Variants in GRAMD2B observed in about 807,000 individuals in gnomAD.
The protein encoded by GRAMD2B is GRAM domain-containing protein 2B.
GRAMD2B carries 41 observed loss-of-function variants against 59.2 expected under a neutral mutation model. That is an observed-to-expected ratio of 0.69 (90% CI 0.54 to 0.90). The LOEUF is 0.90. Among genes scored for constraint, GRAMD2B ranks in the 40% least tolerant of loss-of-function variants. The pLI, the probability that GRAMD2B is intolerant of heterozygous loss-of-function variation, is 0.00. For missense variants in GRAMD2B, 424 were observed against 500.5 expected (o/e 0.85, Z 1.46); for synonymous variants, 161 against 182.7 (o/e 0.88, Z 0.96).
At chr5:126,423,372 T>C (rs1644193136), upstream of GRAMD2B, 2 of 1,335,182 alleles carry the variant, frequency 1.5e-6, no homozygotes, top group Non-Finnish European at 1.9e-6. Flanking sequence ...GACCCTCCCC[T>C]TCCCTCCCTC....
At chr5:126,373,995 G>A (rs762704203) in intron 1 of GRAMD2B, among the ~76,000 whole-genome samples, 1 of 152,306 alleles carries the variant, frequency 6.6e-6, no homozygotes, top group East Asian at 1.9e-4. Context: ...CTTTAAAAGA[G>A]CACTCTGGCC....
chr5:126,420,054 C>CAAAAAAAAAAAAAAAA (rs386404926), upstream of GRAMD2B, among the ~76,000 whole-genome samples: 1 of 103,668 alleles, frequency 9.6e-6, no homozygotes, highest in Admixed American at 1.1e-4. Context: ...GACTCTTTCT[C>CAAAAAAAAAAAAAAAA]AAAAAAAAAA....
At chr5:126,378,827 T>C (rs796466967) in intron 1 of GRAMD2B, among the ~76,000 whole-genome samples, 34 of 152,352 alleles carry the variant, frequency 2.2e-4, no homozygotes, top group African/African-American at 8.2e-4. Context: ...GTTTTTACTT[T>C]GCCATTTTTT....
Position 126,387,364 on chromosome 5 carries a change from A to G in GRAMD2B, c.125+15797A>G, listed in dbSNP as rs138607184. Among the ~76,000 whole-genome samples, 858 of 151,910 alleles carry G rather than the reference A, an allele frequency of 5.6e-3. 8 individuals are homozygous for G. Among genetic ancestry groups the G allele is most frequent in the African/African-American group, 0.019 (804 of 41,486 alleles). Reference sequence around the variant, plus strand: ...TTTTTCCCAACATTGCTACTGGTTTATGAGGCTAAACAAATGTTCTGTACT... The same window carrying G: ...TTTTTCCCAACATTGCTACTGGTTTGTGAGGCTAAACAAATGTTCTGTACT... On this transcript the variant is annotated intron_variant, in intron 1 of 8. Transcript: ENST00000506445.
At chr5:126,475,523 G>C (rs1280208970) in intron 5 of GRAMD2B, among the ~76,000 whole-genome samples, 3 of 152,152 alleles carry the variant, frequency 2.0e-5, no homozygotes, top group Non-Finnish European at 4.4e-5. Context: ...AAAATGTTGT[G>C]AGTAGAGTTC....
chr5:126,480,613 T>C lies in GRAMD2B; in HGVS notation c.655-14T>C. 1 of 1,613,720 alleles carries C rather than the reference T, an allele frequency of 6.2e-7. No individual in the cohort carries two copies. ...TAGTTAATCTGGCTTTTCGTTTTGTTCCAATAATTTCAGAATACAAGTGTT... is the reference window on the plus strand; with the variant it reads ...TAGTTAATCTGGCTTTTCGTTTTGTCCCAATAATTTCAGAATACAAGTGTT... On this transcript the variant is annotated splice_polypyrimidine_tract_variant and intron_variant, in intron 7 of 13. Transcript: ENST00000285689.
At chr5:126,398,018 A>ATTTTTT (rs70994864) in intron 1 of GRAMD2B, among the ~76,000 whole-genome samples, 3 of 72,472 alleles carry the variant, frequency 4.1e-5, no homozygotes, top group Non-Finnish European at 2.6e-5. Flanking sequence ...TTGTTGGGAG[A>ATTTTTT]TTTTTTTTTT....
chr5:126,474,047 G>A (rs988454365), intron 5 of GRAMD2B, among the ~76,000 whole-genome samples: 4 of 152,200 alleles, frequency 2.6e-5, no homozygotes, highest in East Asian at 1.9e-4. Flanking sequence ...ACTGGGGACC[G>A]TGGGACTATG....
intron 4 of GRAMD2B, 85 bp from the exon 5 acceptor site, chr5:126,473,180 C>G: frequency 2.2e-6 from 1 of 462,926 alleles, no homozygotes; most frequent in South Asian, 7.1e-5. Context: ...TATCTCTGCC[C>G]ATCCTTGAGT....
intron 5 of GRAMD2B, among the ~76,000 whole-genome samples, 164 bp from the exon 6 acceptor site, chr5:126,477,528 A>C (rs1362733693): frequency 6.6e-6 from 1 of 152,010 alleles, no homozygotes; most frequent in Non-Finnish European, 1.5e-5. Flanking sequence ...TCAGTGATAC[A>C]TCCCTGCCAC....
chr5:126,424,851 G>A (rs1228496354), intron 1 of GRAMD2B, among the ~76,000 whole-genome samples: 1 of 152,210 alleles, frequency 6.6e-6, no homozygotes. Context: ...TAAAAGCACT[G>A]AAGCTCTGAG....
At chr5:126,396,644 T>A (rs1757385987) in intron 1 of GRAMD2B, among the ~76,000 whole-genome samples, 1 of 152,234 alleles carries the variant, frequency 6.6e-6, no homozygotes, top group Non-Finnish European at 1.5e-5. Context: ...AACATACATG[T>A]GCATGTATCT....
intron 1 of GRAMD2B, among the ~76,000 whole-genome samples, chr5:126,376,394 G>A (rs1336940586): frequency 6.6e-6 from 1 of 152,202 alleles, no homozygotes; most frequent in African/African-American, 2.4e-5. Context: ...CACTCATTAT[G>A]CCTCCATTTA....
intron 1 of GRAMD2B, among the ~76,000 whole-genome samples, chr5:126,450,795 G>C (rs1255243812): frequency 1.3e-5 from 2 of 152,180 alleles, no homozygotes; most frequent in Non-Finnish European, 2.9e-5. Flanking sequence ...CTTCCATGGG[G>C]TGCTAATCCT....
intron 1 of GRAMD2B, among the ~76,000 whole-genome samples, chr5:126,406,991 A>G (rs1758320750): frequency 1.3e-5 from 2 of 152,104 alleles, no homozygotes; most frequent in Non-Finnish European, 1.5e-5. Flanking sequence ...TGCTCTGTGC[A>G]TAAAGAAATG....
chr5:126,433,058 A>G (rs900653382), intron 1 of GRAMD2B, among the ~76,000 whole-genome samples: 1 of 152,234 alleles, frequency 6.6e-6, no homozygotes, highest in Non-Finnish European at 1.5e-5. Context: ...AGCCTTTGCC[A>G]TAAGGAGAAT....
At position 126,486,830 on chromosome 5, in the gene GRAMD2B, T is replaced by C. The variant is rs748455869; in HGVS notation, c.1059-43T>C. ...GAGTTGTTTTATGAACATCAGATCCTGGCCGTTAACCTAACGAAAGTTTCT... is the reference window on the plus strand; with the variant it reads ...GAGTTGTTTTATGAACATCAGATCCCGGCCGTTAACCTAACGAAAGTTTCT... On this transcript the variant is annotated intron_variant, in intron 11 of 13. Transcript: ENST00000285689. 3.3e-6 allele frequency: 4 copies of C among 1,225,628 alleles called. No homozygotes were observed. In the East Asian group the frequency reaches 7.0e-5, roughly 21 times the overall value. 75.9% of individuals were successfully genotyped at this position (1,225,628 alleles called of 1,614,324 possible). A position where few individuals can be genotyped will look rare whatever the true frequency, so the allele number is the denominator to read the frequency against.
chr5:126,417,259 G>A (rs554233145), intron 1 of GRAMD2B, among the ~76,000 whole-genome samples: 1 of 152,308 alleles, frequency 6.6e-6, no homozygotes, highest in East Asian at 1.9e-4. Flanking sequence ...ACCTCCAACT[G>A]TCTCATAGGA....
intron 1 of GRAMD2B, among the ~76,000 whole-genome samples, chr5:126,439,100 T>G (rs1762870520): frequency 6.6e-6 from 1 of 152,108 alleles, no homozygotes. Context: ...ATAAGGCCAT[T>G]ATTACTGGAT....
Sources: gnomAD v4.1 joint callset for allele counts (sites outside exome capture counted in the v4.1 genomes callset) on GRCh38, gnomAD v4.1.1 for gene constraint, MANE v1.5 for transcripts, NCBI Gene and HGNC (gene_info 2026-07-23, HGNC 2026-07-21) for gene names.